Variants in MRPS16 observed in about 807,000 individuals in gnomAD.
MRPS16 encodes mitochondrial ribosomal protein S16.
Under a neutral mutation model 11.0 loss-of-function variants are expected in MRPS16, and 5 were observed. That is an observed-to-expected ratio of 0.46 (90% CI 0.24 to 0.96). The LOEUF is 0.96. Among genes scored for constraint, MRPS16 ranks in the 40% least tolerant of loss-of-function variants. The probability of loss-of-function intolerance (pLI) is 0.20; values close to 1 mark genes in which losing one functional copy is unlikely to be tolerated. For synonymous variants in MRPS16, 76 were observed against 65.0 expected, an observed-to-expected ratio of 1.17 and a Z score of -0.81; for missense variants, 179 against 174.4, an observed-to-expected ratio of 1.03 and a Z score of -0.15.
chr10:73,249,060 G>A lies in MRPS16; in HGVS notation c.*1792C>T. On this transcript the variant is annotated 3_prime_UTR_variant, in exon 3 of 3. Transcript: ENST00000372945. ...CAGCTTCCCGAGTAGCTGGAACTAT[G>A]GGTGAGCAACACCACAGCCAGCTAA... The A allele has an allele frequency of 1.7e-6, 1 of 600,346 alleles. No individual in the cohort carries two copies. The highest frequency in any genetic ancestry group is 3.1e-6 in the Non-Finnish European group (1 of 324,002). 37.2% of individuals were successfully genotyped at this position (600,346 alleles called of 1,614,324 possible).
chr10:73,249,531 T>C lies in MRPS16; in HGVS notation c.*1321A>G. On this transcript the variant is annotated 3_prime_UTR_variant, in exon 3 of 3. Coordinates refer to ENST00000372945, the MANE Select transcript of MRPS16 (RefSeq NM_016065.4). ...AGAGCAGCCTTCTTAACCTGCTCCATAAAATTACCAGCAAGAAAGAAAAGT... is the reference window on the plus strand; with the variant it reads ...AGAGCAGCCTTCTTAACCTGCTCCACAAAATTACCAGCAAGAAAGAAAAGT... The C allele has an allele frequency of 2.0e-6, 1 of 504,414 alleles. No individual in the cohort carries two copies. Among genetic ancestry groups the C allele is most frequent in the Non-Finnish European group, 3.5e-6 (1 of 285,912 alleles). The allele number at this position is 504,414 out of a possible 1,614,324, so 31.2% of individuals were successfully genotyped here. A position where few individuals can be genotyped will look rare whatever the true frequency, so the allele number is the denominator to read the frequency against.
chr10:73,250,842 G>A lies in MRPS16; in HGVS notation c.*10C>T. The A allele has an allele frequency of 6.2e-7, 1 of 1,613,432 alleles. No individual in the cohort carries two copies. The highest frequency in any genetic ancestry group is 8.5e-7 in the Non-Finnish European group (1 of 1,179,996). The stretch of plus-strand genomic sequence containing the variant: ...TGTTCCCACTGCTATGCTCACTAAA[G>A]TCAGCTCATTTATGTTTCTGTAGCC... On this transcript the variant is annotated 3_prime_UTR_variant, in exon 3 of 3. Coordinates refer to ENST00000372945, the MANE Select transcript of MRPS16 (RefSeq NM_016065.4).
intron 1 of MRPS16, 74 bp from the exon 2 acceptor site, chr10:73,252,097 C>A: frequency 6.5e-7 from 1 of 1,546,714 alleles, no homozygotes; most frequent in East Asian, 2.4e-5. Context: ...GCACAATTCC[C>A]TTTTCCCACT....
At position 73,252,450 on chromosome 10, in the gene MRPS16, G is replaced by C. The variant is rs776697170; in HGVS notation, c.13+20C>G. 98 of 1,608,990 alleles carry C rather than the reference G, an allele frequency of 6.1e-5. No individual in the cohort carries two copies. The highest frequency in any genetic ancestry group is 7.9e-5 in the Non-Finnish European group (93 of 1,179,784). ...GCCCCGTGACCGCCCGGAACGTCTCGCGGTGGCCCGATGACTCACTGAGGT... is the reference window on the plus strand; with the variant it reads ...GCCCCGTGACCGCCCGGAACGTCTCCCGGTGGCCCGATGACTCACTGAGGT... On this transcript the variant is annotated intron_variant, in intron 1 of 2. Coordinates refer to ENST00000372945, the MANE Select transcript of MRPS16 (RefSeq NM_016065.4).
Position 73,248,923 on chromosome 10 carries a change from A to G in MRPS16, c.*1929T>C, listed in dbSNP as rs1342286765. 6.4e-6 allele frequency: 3 copies of G among 470,324 alleles called. No individual in the cohort carries two copies. The highest frequency in any genetic ancestry group is 1.3e-5 in the Non-Finnish European group (3 of 232,158). The allele number at this position is 470,324 out of a possible 1,614,324, so 29.1% of individuals were successfully genotyped here. A position where few individuals can be genotyped will look rare whatever the true frequency, so the allele number is the denominator to read the frequency against. On this transcript the variant is annotated 3_prime_UTR_variant, in exon 3 of 3. Coordinates refer to ENST00000372945, the MANE Select transcript of MRPS16 (RefSeq NM_016065.4). ...AAAATCAAATTATTATGCTCTAGCCAAATTATGTAATGTTTTCTTTTTCTT... is the reference window on the plus strand; with the variant it reads ...AAAATCAAATTATTATGCTCTAGCCGAATTATGTAATGTTTTCTTTTTCTT...
intron 1 of MRPS16, 148 bp downstream of exon 1, chr10:73,252,322 A>G: frequency 1.6e-6 from 2 of 1,285,794 alleles, no homozygotes; most frequent in Non-Finnish European, 2.2e-6. Context: ...AGTGGGGAAA[A>G]AACTGAGAGA....
In MRPS16 at chr10:73,248,900, A is replaced by T; in HGVS notation, c.*1952T>A. 1 of 390,338 alleles carries T rather than the reference A, an allele frequency of 2.6e-6. No homozygotes were observed. Among genetic ancestry groups the T allele is most frequent in the South Asian group, 2.0e-5 (1 of 48,890 alleles). 24.2% of individuals were successfully genotyped at this position (390,338 alleles called of 1,614,324 possible). A position where few individuals can be genotyped will look rare whatever the true frequency, so the allele number is the denominator to read the frequency against. The stretch of plus-strand genomic sequence containing the variant: ...CAACTCAAATTTTCAAAAACCAGAA[A>T]ATCAAATTATTATGCTCTAGCCAAA... On this transcript the variant is annotated 3_prime_UTR_variant, in exon 3 of 3. Transcript: ENST00000372945.
At position 73,250,428 on chromosome 10, in the gene MRPS16, T is replaced by A; in HGVS notation, c.*424A>T. The A allele has an allele frequency of 9.2e-6, 2 of 217,302 alleles. No individual in the cohort carries two copies. Among genetic ancestry groups the A allele is most frequent in the Non-Finnish European group, 1.9e-5 (2 of 107,364 alleles). 13.5% of individuals were successfully genotyped at this position (217,302 alleles called of 1,614,324 possible). On this transcript the variant is annotated 3_prime_UTR_variant, in exon 3 of 3. Transcript: ENST00000372945. ...AGAATATGCATTAGGCAAGACAATATAAACCTCCAATTACAAAAATCAATT... is the reference window on the plus strand; with the variant it reads ...AGAATATGCATTAGGCAAGACAATAAAAACCTCCAATTACAAAAATCAATT...
Position 73,249,246 on chromosome 10 carries a change from T to C in MRPS16, c.*1606A>G, listed in dbSNP as rs2044053016. 1.3e-6 allele frequency: 2 copies of C among 1,540,254 alleles called. No individual in the cohort carries two copies. The highest frequency in any genetic ancestry group is 1.4e-5 in the African/African-American group (1 of 72,916). On this transcript the variant is annotated 3_prime_UTR_variant, in exon 3 of 3. Coordinates refer to ENST00000372945, the MANE Select transcript of MRPS16 (RefSeq NM_016065.4). ...CTTTATATTATTTTTCCTTACAAGT[T>C]ACTTCAAATTCTTGATGTTGAATTT...
At chr10:73,251,377 C>CT (rs371844159) in intron 2 of MRPS16, among the ~76,000 whole-genome samples, 6,841 of 146,456 alleles carry the variant, frequency 0.047, 455 homozygotes, top group African/African-American at 0.15. Flanking sequence ...TGAAATAACT[C>CT]TTTTTTTTTT....
rs1194153489 is a variant in MRPS16, at chr10:73,249,108, G to A, written c.*1744C>T. 1.8e-5 allele frequency: 11 copies of A among 621,736 alleles called. No homozygotes were observed. Among genetic ancestry groups the A allele is most frequent in the Non-Finnish European group, 1.2e-5 (4 of 344,900 alleles). The allele number at this position is 621,736 out of a possible 1,614,324, so 38.5% of individuals were successfully genotyped here. A position where few individuals can be genotyped will look rare whatever the true frequency, so the allele number is the denominator to read the frequency against. On this transcript the variant is annotated 3_prime_UTR_variant, in exon 3 of 3. Coordinates refer to ENST00000372945, the MANE Select transcript of MRPS16 (RefSeq NM_016065.4). The stretch of plus-strand genomic sequence containing the variant: ...TAATTTTTTAAGTTTTTGTAGAGAC[G>A]GGGTCTTGCTGTGTTGCACAGGCTG...
At position 73,252,573 on chromosome 10, in the gene MRPS16, GA is replaced by G; in HGVS notation, c.-92del. On this transcript the variant is annotated 5_prime_UTR_variant, in exon 1 of 3. Coordinates refer to ENST00000372945, the MANE Select transcript of MRPS16 (RefSeq NM_016065.4). ...GCAGGGCAGAGAACAAACACAGAAA[GA>G]ACCTGCAAGCCGACACCAGGCCGCA... The G allele has an allele frequency of 6.5e-7, 1 of 1,546,252 alleles. No homozygotes were observed. Among genetic ancestry groups the G allele is most frequent in the South Asian group, 1.2e-5 (1 of 86,778 alleles).
At chr10:73,252,321 A>G in intron 1 of MRPS16, 149 bp downstream of exon 1, 1 of 1,285,996 alleles carries the variant, frequency 7.8e-7, no homozygotes, top group Non-Finnish European at 1.1e-6. Context: ...AAGTGGGGAA[A>G]AAACTGAGAG....
chr10:73,250,671 G>A lies in MRPS16; in HGVS notation c.*181C>T, dbSNP rs565826277. On this transcript the variant is annotated 3_prime_UTR_variant, in exon 3 of 3. Coordinates refer to ENST00000372945, the MANE Select transcript of MRPS16 (RefSeq NM_016065.4). ...AAAAGCTAATTAGTACCCACACCCAGCTCTAAGTCACACAAGAACAAATCT... is the reference window on the plus strand; with the variant it reads ...AAAAGCTAATTAGTACCCACACCCAACTCTAAGTCACACAAGAACAAATCT... 441 of 789,498 alleles carry A rather than the reference G, an allele frequency of 5.6e-4. 4 individuals carry two copies. The African/African-American group carries it at 6.7e-3, about 12-fold the overall frequency. 48.9% of individuals were successfully genotyped at this position (789,498 alleles called of 1,614,324 possible).
Position 73,249,191 on chromosome 10 carries a change from T to C in MRPS16, c.*1661A>G. On this transcript the variant is annotated 3_prime_UTR_variant, in exon 3 of 3. Coordinates refer to ENST00000372945, the MANE Select transcript of MRPS16 (RefSeq NM_016065.4). ...CCTCAGCCTCCCAAAGTGCTGAGAT[T>C]ACAGGTGTGAGCCACTGCCCCAATG... 2 of 1,219,370 alleles carry C rather than the reference T, an allele frequency of 1.6e-6. No homozygotes were observed. Among genetic ancestry groups the C allele is most frequent in the South Asian group, 2.7e-5 (2 of 73,982 alleles). 75.5% of individuals were successfully genotyped at this position (1,219,370 alleles called of 1,614,324 possible).
At chr10:73,252,194 C>G (rs1035165975) in intron 1 of MRPS16, 171 bp from the exon 2 acceptor site, 4 of 1,125,968 alleles carry the variant, frequency 3.6e-6, no homozygotes, top group Non-Finnish European at 5.1e-6. Context: ...GTCCAGCCAG[C>G]AATGACCTCC....
chr10:73,251,058 C>T lies in MRPS16; in HGVS notation c.275-67G>A. On this transcript the variant is annotated intron_variant, in intron 2 of 2. Transcript: ENST00000372945. ...GCCAATGCTTCCCTAGGAACTCTGT[C>T]TCACAGAACTGAGGTCTGAGATCTG... The T allele has an allele frequency of 3.8e-6, 6 of 1,578,446 alleles. No homozygotes were observed. In the South Asian group the frequency reaches 5.6e-5, roughly 15 times the overall value.
At position 73,250,777 on chromosome 10, in the gene MRPS16, A is replaced by G. The variant is rs2044078819; in HGVS notation, c.*75T>C. On this transcript the variant is annotated 3_prime_UTR_variant, in exon 3 of 3. Coordinates refer to ENST00000372945, the MANE Select transcript of MRPS16 (RefSeq NM_016065.4). The stretch of plus-strand genomic sequence containing the variant: ...CATTTATTGAACTCCAAATCTAACA[A>G]AATTAAGATCGCTGCAGTGTTTCAA... The G allele has an allele frequency of 8.8e-6, 14 of 1,582,828 alleles. No homozygotes were observed. In the Admixed American group the frequency reaches 2.3e-4, roughly 26 times the overall value.
In MRPS16 at chr10:73,252,401, C is replaced by T. The variant is rs542289315; in HGVS notation, c.13+69G>A. On this transcript the variant is annotated intron_variant, in intron 1 of 2. Coordinates refer to ENST00000372945, the MANE Select transcript of MRPS16 (RefSeq NM_016065.4). ...CCTCCATCGCGCCTGGGAGAGCTCT[C>T]CCCACCCGGCCCCGAACTCCCGAGC... The T allele has an allele frequency of 1.9e-4, 301 of 1,602,510 alleles. 4 individuals are homozygous for T. In the South Asian group the frequency reaches 3.2e-3, roughly 17 times the overall value.
Sources: gnomAD v4.1 joint callset for allele counts (sites outside exome capture counted in the v4.1 genomes callset) on GRCh38, gnomAD v4.1.1 for gene constraint, MANE v1.5 for transcripts, NCBI Gene and HGNC (gene_info 2026-07-23, HGNC 2026-07-21) for gene names.